DLGAP2: variants seen among roughly 807,000 people sequenced by gnomAD.
DLGAP2 encodes the protein disks large-associated protein 2.
In DLGAP2, 26 loss-of-function variants were observed where a neutral mutation model predicts 100.3. That is an observed-to-expected ratio of 0.26 (90% confidence interval 0.19 to 0.36). The LOEUF (loss-of-function observed/expected upper bound fraction) is 0.36. Ranked by LOEUF, DLGAP2 falls within the 10% of genes least tolerant of loss-of-function variation. The pLI, the probability that DLGAP2 is intolerant of heterozygous loss-of-function variation, is 1.00. For missense variants in DLGAP2, 1,858 were observed against 1,453.2 expected (o/e 1.28, Z -4.53); for synonymous variants, 886 against 630.1 (o/e 1.41, Z -6.08).
intron 2 of DLGAP2, among the ~76,000 whole-genome samples, chr8:1,180,848 G>A (rs1797371175): frequency 6.7e-6 from 1 of 148,676 alleles, no homozygotes; most frequent in African/African-American, 2.5e-5. Context: ...TGCAAGGGCA[G>A]TACACTTACC....
chr8:1,318,777 A>T (rs1800825667), intron 3 of DLGAP2, among the ~76,000 whole-genome samples: 2 of 56,196 alleles, frequency 3.6e-5, no homozygotes, highest in East Asian at 4.6e-4. Flanking sequence ...GTCAGTGATC[A>T]GCCCCCCCCC....
chr8:1,426,097 G>A (rs944441573), intron 3 of DLGAP2, among the ~76,000 whole-genome samples: 1 of 152,294 alleles, frequency 6.6e-6, no homozygotes, highest in Admixed American at 6.5e-5. Context: ...AAAGCGTCAG[G>A]GTAGGGCAAG....
At chr8:839,730 A>G (rs2132714073) in intron 1 of DLGAP2, among the ~76,000 whole-genome samples, 1 of 152,296 alleles carries the variant, frequency 6.6e-6, no homozygotes, top group East Asian at 1.9e-4. Context: ...CCTGATGCTC[A>G]TGATTATGAC....
intron 3 of DLGAP2, among the ~76,000 whole-genome samples, chr8:1,496,459 G>A (rs959933585): frequency 2.0e-5 from 3 of 152,200 alleles, no homozygotes; most frequent in African/African-American, 4.8e-5. Context: ...TCTGAGGACC[G>A]GTTCTGGGAA....
At chr8:1,483,241 T>G (rs1231536692) in intron 3 of DLGAP2, among the ~76,000 whole-genome samples, 1 of 152,080 alleles carries the variant, frequency 6.6e-6, no homozygotes, top group Non-Finnish European at 1.5e-5. Flanking sequence ...CAGAAGGTTT[T>G]CATGAGGAAG....
At chr8:1,568,543 C>T (rs577807923) in intron 6 of DLGAP2, among the ~76,000 whole-genome samples, 2 of 143,806 alleles carry the variant, frequency 1.4e-5, no homozygotes, top group South Asian at 2.4e-4. Flanking sequence ...CCACTCTGCC[C>T]GTGGCCCCCA....
chr8:1,592,394 G>C lies in DLGAP2; in HGVS notation c.1442+26500G>C, dbSNP rs147123262. Among the ~76,000 whole-genome samples, 889 of 151,926 alleles carry C rather than the reference G, an allele frequency of 5.9e-3. 7 individuals are homozygous for C. The highest frequency in any genetic ancestry group is 0.02 in the African/African-American group (834 of 41,398). On this transcript the variant is annotated intron_variant, in intron 6 of 14. Transcript: ENST00000637795. ...TCTTTATATTGACGATTGGCCTGACGTGTGCCTCTGGCCCCCTTGACTTTA... is the reference window on the plus strand; with the variant it reads ...TCTTTATATTGACGATTGGCCTGACCTGTGCCTCTGGCCCCCTTGACTTTA...
rs67407236 is a variant in DLGAP2, at chr8:1,483,712, C to T, written c.107-17654C>T. ...GGGGACCAGGGAGGCAGGTGCAGGA[C>T]GTGGGGACCAGGAAGGCAGGTGCAG... On this transcript the variant is annotated intron_variant, in intron 3 of 14. Transcript: ENST00000637795. Among the ~76,000 whole-genome samples the T allele has an allele frequency of 5.3e-4, 4 of 7,520 alleles. No individual in the cohort carries two copies. The East Asian group carries it at 0.013, about 24-fold the overall frequency. The allele number at this position is 7,520 out of a possible 152,430, so 4.9% of individuals were successfully genotyped here. A position where few individuals can be genotyped will look rare whatever the true frequency, so the allele number is the denominator to read the frequency against.
intron 12 of DLGAP2, among the ~76,000 whole-genome samples, chr8:1,680,070 C>CTT (rs1416556287): frequency 1.3e-5 from 2 of 150,404 alleles, no homozygotes; most frequent in Admixed American, 1.3e-4. Context: ...TACCACCTGT[C>CTT]TTTGTTTATA....
chr8:1,164,857 C>A (rs537930804), intron 2 of DLGAP2, among the ~76,000 whole-genome samples: 167 of 152,264 alleles, frequency 1.1e-3, no homozygotes, highest in Non-Finnish European at 1.8e-3. Context: ...GTTGCTGAGA[C>A]AGCTCCAGTC....
intron 1 of DLGAP2, among the ~76,000 whole-genome samples, chr8:881,666 A>ATGTGTATATATATATATATAT: frequency 3.8e-5 from 5 of 131,048 alleles, no homozygotes; most frequent in African/African-American, 5.4e-5. Context: ...CTTGTGGCTG[A>ATGTGTATATATATATATATAT]ACACACACAC....
intron 2 of DLGAP2, among the ~76,000 whole-genome samples, chr8:1,001,485 G>A (rs1319628359): frequency 6.6e-6 from 1 of 152,128 alleles, no homozygotes; most frequent in African/African-American, 2.4e-5. Flanking sequence ...TATTATTGAT[G>A]AGAGCAAATG....
intron 3 of DLGAP2, among the ~76,000 whole-genome samples, chr8:1,287,545 ATG>A (rs1185150668): frequency 1.4e-4 from 4 of 28,604 alleles, no homozygotes; most frequent in Non-Finnish European, 2.5e-4. Flanking sequence ...GTGTGTGTGT[ATG>A]TGTGTGTGGT....
intron 3 of DLGAP2, among the ~76,000 whole-genome samples, chr8:1,356,324 A>G (rs891927298): frequency 1.2e-4 from 18 of 152,342 alleles, no homozygotes; most frequent in South Asian, 8.3e-4. Flanking sequence ...TACGGTTTCA[A>G]CGTTTACAGG....
chr8:1,334,277 C>A (rs1801222380), intron 3 of DLGAP2, among the ~76,000 whole-genome samples: 1 of 152,190 alleles, frequency 6.6e-6, no homozygotes, highest in African/African-American at 2.4e-5. Context: ...TCAGCATTTG[C>A]CACCCCATGC....
At chr8:1,029,105 A>T (rs917165594) in intron 2 of DLGAP2, among the ~76,000 whole-genome samples, 2 of 152,192 alleles carry the variant, frequency 1.3e-5, no homozygotes, top group Admixed American at 6.5e-5. Flanking sequence ...CTGCAGGTGC[A>T]GGGGGAGGAG....
chr8:1,253,983 A>G (rs557470493), intron 2 of DLGAP2, among the ~76,000 whole-genome samples: 3 of 152,258 alleles, frequency 2.0e-5, no homozygotes, highest in East Asian at 1.9e-4. Context: ...TTTGACGCAT[A>G]TTTTGGTTCG....
chr8:1,274,055 G>C (rs1799634423), intron 3 of DLGAP2, among the ~76,000 whole-genome samples: 1 of 152,124 alleles, frequency 6.6e-6, no homozygotes, highest in Non-Finnish European at 1.5e-5. Flanking sequence ...AAAATCATTA[G>C]AATTCTAACA....
At chr8:1,553,484 G>GTTCACAGGTAGCAGCCCCGTTGTGCTTA (rs1271828229) in intron 5 of DLGAP2, among the ~76,000 whole-genome samples, 1 of 152,252 alleles carries the variant, frequency 6.6e-6, no homozygotes, top group Non-Finnish European at 1.5e-5. Context: ...CGTTGTGCTT[G>GTTCACAGGTAGCAGCCCCGTTGTGCTTA]GCGTGTTCAC....
Sources: gnomAD v4.1 joint callset for allele counts (sites outside exome capture counted in the v4.1 genomes callset) on GRCh38, gnomAD v4.1.1 for gene constraint, MANE v1.5 for transcripts, NCBI Gene and HGNC (gene_info 2026-07-23, HGNC 2026-07-21) for gene names.